The following MLF2 variants were observed in gnomAD, a reference collection of about 807,000 sequenced individuals.
The protein encoded by MLF2 is myeloid leukemia factor 2, also known as myelodysplasia-myeloid leukemia factor 2.
Under a neutral mutation model 31.4 loss-of-function variants are expected in MLF2, and 12 were observed. The observed-to-expected ratio is 0.38, with a 90% confidence interval of 0.24 to 0.62. MLF2 has a LOEUF of 0.62. Ranked by LOEUF, MLF2 falls within the 20% of genes least tolerant of loss-of-function variation. The probability of loss-of-function intolerance (pLI) is 0.58; values close to 1 mark genes in which losing one functional copy is unlikely to be tolerated. For synonymous variants in MLF2, 109 were observed against 118.8 expected (o/e 0.92, Z 0.54); for missense variants, 272 against 359.7 (o/e 0.76, Z 1.97).
Position 6,753,091 on chromosome 12 carries a change from CG to C in MLF2, c.-182del, listed in dbSNP as rs1941641609. The C allele has an allele frequency of 5.1e-6, 2 of 389,828 alleles. No individual in the cohort carries two copies. Among genetic ancestry groups the C allele is most frequent in the African/African-American group, 2.1e-5 (1 of 48,360 alleles). 24.1% of individuals were successfully genotyped at this position (389,828 alleles called of 1,614,324 possible). A position where few individuals can be genotyped will look rare whatever the true frequency, so the allele number is the denominator to read the frequency against. On this transcript the variant is annotated 5_prime_UTR_variant, in exon 1 of 9. Coordinates refer to ENST00000203630, the MANE Select transcript of MLF2 (RefSeq NM_001382226.1). ...TCCTCCCACAGCTGCCACCTCCGTA[CG>C]GCCCCCTCGGCCAACGGAGCCCGAA...
chr12:6,748,697 C>G lies in MLF2; in HGVS notation c.*25+73G>C. The G allele has an allele frequency of 1.2e-5, 14 of 1,207,190 alleles. No individual in the cohort carries two copies. Among genetic ancestry groups the G allele is most frequent in the Non-Finnish European group, 4.5e-6 (4 of 885,776 alleles). 74.8% of individuals were successfully genotyped at this position (1,207,190 alleles called of 1,614,324 possible). On this transcript the variant is annotated intron_variant, in intron 8 of 8. Transcript: ENST00000203630. The surrounding 1 kb of genome is among the most constrained non-coding windows in gnomAD (Gnocchi z 4.6). ...CTACCAAAGGCAGCTCCTGCGGGAG[C>G]CTGAACTGAGCCTGCCTTGCAGCCG...
chr12:6,750,037 G>C lies in MLF2; in HGVS notation c.400-30C>G. On this transcript the variant is annotated intron_variant, in intron 6 of 8. Transcript: ENST00000203630. This position sits in a 1 kb window ranked among gnomAD's most constrained non-coding sequence, Gnocchi z 5.3. ...GATGAGGCAGAACGTGGCACACTCA[G>C]CCGCCCCTTCCAAAGCCCTGCCTAT... 1 of 1,613,428 alleles carries C rather than the reference G, an allele frequency of 6.2e-7. No individual in the cohort carries two copies.
At position 6,750,119 on chromosome 12, in the gene MLF2, T is replaced by A. The variant is rs754822114; in HGVS notation, c.399+58A>T. 34 of 1,612,800 alleles carry A rather than the reference T, an allele frequency of 2.1e-5. No individual in the cohort carries two copies. The African/African-American group carries it at 4.1e-4, about 20-fold the overall frequency. On this transcript the variant is annotated intron_variant, in intron 6 of 8. Coordinates refer to ENST00000203630, the MANE Select transcript of MLF2 (RefSeq NM_001382226.1). This position sits in a 1 kb window ranked among gnomAD's most constrained non-coding sequence, Gnocchi z 5.3. ...CCAATCCGGAAAAAAGCAGCCAGGG[T>A]TTCTGGCGGTGCCGCTCAATCCTAC...
At position 6,751,625 on chromosome 12, in the gene MLF2, G is replaced by A. The variant is rs368174763; in HGVS notation, c.216+16C>T. ...GTGTGTCTGAGATGGAAGGACACAG[G>A]GAGATAAAGACTCACCATTCCCAGC... On this transcript the variant is annotated intron_variant, in intron 4 of 8. Transcript: ENST00000203630. 2.6e-5 allele frequency: 42 copies of A among 1,612,316 alleles called. No individual in the cohort carries two copies. In the African/African-American group the frequency reaches 4.9e-4, roughly 19 times the overall value.
Position 6,752,117 on chromosome 12 carries a change from T to C in MLF2, c.51-63A>G, listed in dbSNP as rs1941625256. The C allele has an allele frequency of 1.2e-6, 2 of 1,606,092 alleles. No homozygotes were observed. The highest frequency in any genetic ancestry group is 1.7e-6 in the Non-Finnish European group (2 of 1,174,758). ...CAAACTGTCAATCCCTCCACCACCC[T>C]GCAAAAAAATACGCACAGAGCAACA... On this transcript the variant is annotated intron_variant, in intron 2 of 8. Coordinates refer to ENST00000203630, the MANE Select transcript of MLF2 (RefSeq NM_001382226.1). This position sits in a 1 kb window ranked among gnomAD's most constrained non-coding sequence, Gnocchi z 4.6.
intron 3 of MLF2, 49 bp downstream of exon 3, chr12:6,751,876 C>T (rs1253655078): frequency 6.2e-7 from 1 of 1,608,238 alleles, no homozygotes; most frequent in Admixed American, 1.7e-5. Flanking sequence ...GCTTTCCTAA[C>T]TAACCTCCAA....
At position 6,752,266 on chromosome 12, in the gene MLF2, A is replaced by G; in HGVS notation, c.50+19T>C. The G allele has an allele frequency of 6.4e-7, 1 of 1,558,868 alleles. No homozygotes were observed. The highest frequency in any genetic ancestry group is 1.2e-5 in the South Asian group (1 of 84,722). On this transcript the variant is annotated intron_variant, in intron 2 of 8. Transcript: ENST00000203630. The surrounding 1 kb of genome is among the most constrained non-coding windows in gnomAD (Gnocchi z 4.6). ...CAGAGACCTGGAGTGGGAGAGCTTG[A>G]GGGGGAGGGAATACTCACATCAGGA... is the stretch of plus-strand genomic sequence containing the variant.
Position 6,748,844 on chromosome 12 carries a change from T to C in MLF2, c.698A>G (p.Gln233Arg). Reference protein sequence around the residue: ...RAEGPPRLAIQGPEDSPSRQS... With the variant: ...RAEGPPRLAIRGPEDSPSRQS... ...TCGGGAAGGGGAGTCCTCAGGTCCC[T>C]GGATGGCCAGGCGGGGAGGCCCCTC... Residue 233 changes from glutamine to arginine, a missense_variant, in exon 8 of 9, where the codon CAG becomes CGG. Gln to Arg is a conservative substitution (Grantham distance 43). Transcript: ENST00000203630. This position sits in a 1 kb window ranked among gnomAD's most constrained non-coding sequence, Gnocchi z 4.6. 6.3e-7 allele frequency: 1 copy of C among 1,576,502 alleles called. No homozygotes were observed. Among genetic ancestry groups the C allele is most frequent in the South Asian group, 1.2e-5 (1 of 85,904 alleles).
rs1565475252 is a variant in MLF2 at position 6,751,642 on chromosome 12, A to G, written c.215T>C (p.Met72Thr). The change falls in exon 4 of 9, where the codon ATG (methionine) becomes ACG (threonine). Residue 72 changes from methionine (M) to threonine (T), a missense_variant and splice_region_variant. Met to Thr is a moderately conservative substitution (Grantham distance 81, BLOSUM62 -1). Coordinates refer to ENST00000203630, the MANE Select transcript of MLF2 (RefSeq NM_001382226.1). ...GGACACAGGGAGATAAAGACTCACC[A>G]TTCCCAGCATCCCAAAGGGGGAGAC... is the stretch of plus-strand genomic sequence containing the variant. ...GAVSPFGMLGMSGGFMDMFGM... is the reference protein window; with the variant it reads ...GAVSPFGMLGTSGGFMDMFGM... 2.5e-6 allele frequency: 4 copies of G among 1,613,908 alleles called. No individual in the cohort carries two copies. Among genetic ancestry groups the G allele is most frequent in the Non-Finnish European group, 8.5e-7 (1 of 1,179,864 alleles).
chr12:6,751,881 C>G (rs1941620393), intron 3 of MLF2, 44 bp downstream of exon 3: 1 of 1,610,340 alleles, frequency 6.2e-7, no homozygotes, highest in Non-Finnish European at 8.5e-7. Context: ...CCTAACTAAC[C>G]TCCAACCTTT....
At chr12:6,751,798 C>T in intron 3 of MLF2, 122 bp from the exon 4 acceptor site, 1 of 1,565,702 alleles carries the variant, frequency 6.4e-7, no homozygotes. Flanking sequence ...AGCCCTTTTT[C>T]CTGACCCTTT....
chr12:6,748,733 G>T lies in MLF2; in HGVS notation c.*25+37C>A. ...CCTGCCTTGCAGCCGAGGACCGTCC[G>T]CAGGTGCACCCCACCCTCCTTACTC... On this transcript the variant is annotated intron_variant, in intron 8 of 8. Coordinates refer to ENST00000203630, the MANE Select transcript of MLF2 (RefSeq NM_001382226.1). The surrounding 1 kb of genome is among the most constrained non-coding windows in gnomAD (Gnocchi z 4.6). 1 of 1,434,840 alleles carries T rather than the reference G, an allele frequency of 7.0e-7. No homozygotes were observed. Among genetic ancestry groups the T allele is most frequent in the Non-Finnish European group, 9.2e-7 (1 of 1,087,916 alleles). The allele number at this position is 1,434,840 out of a possible 1,614,324, so 88.9% of individuals were successfully genotyped here. A position where few individuals can be genotyped will look rare whatever the true frequency, so the allele number is the denominator to read the frequency against.
chr12:6,750,548 C>T lies in MLF2; in HGVS notation c.270+165G>A. 1.1e-6 allele frequency: 1 copy of T among 927,040 alleles called. No homozygotes were observed. The highest frequency in any genetic ancestry group is 1.6e-6 in the Non-Finnish European group (1 of 609,506). The allele number at this position is 927,040 out of a possible 1,614,324, so 57.4% of individuals were successfully genotyped here. The stretch of plus-strand genomic sequence containing the variant: ...GAGAGCTGCTGCCGGCTGCTTCAGG[C>T]AGGCATGACAGCAGGTACAGGGTCC... On this transcript the variant is annotated intron_variant, in intron 5 of 8. Transcript: ENST00000203630. This position sits in a 1 kb window ranked among gnomAD's most constrained non-coding sequence, Gnocchi z 5.3.
rs1357459494 is a variant in MLF2 at position 6,749,174 on chromosome 12, GC to G, written c.560-193del. Among the ~76,000 whole-genome samples, 2 of 152,220 alleles carry G rather than the reference GC, an allele frequency of 1.3e-5. No individual in the cohort carries two copies. The highest frequency in any genetic ancestry group is 4.8e-5 in the African/African-American group (2 of 41,474). Reference sequence around the variant, plus strand: ...GGAAGCCACCGGTAGGCGTAAGGTGGCCTACTGGAGGAAGAAATCAGAATGG... The same window carrying G: ...GGAAGCCACCGGTAGGCGTAAGGTGGCTACTGGAGGAAGAAATCAGAATGG... On this transcript the variant is annotated intron_variant, in intron 7 of 8. Transcript: ENST00000203630. This position sits in a 1 kb window ranked among gnomAD's most constrained non-coding sequence, Gnocchi z 5.3.
At position 6,750,564 on chromosome 12, in the gene MLF2, T is replaced by A. The variant is rs1190613771; in HGVS notation, c.270+149A>T. On this transcript the variant is annotated intron_variant, in intron 5 of 8. Coordinates refer to ENST00000203630, the MANE Select transcript of MLF2 (RefSeq NM_001382226.1). The surrounding 1 kb of genome is among the most constrained non-coding windows in gnomAD (Gnocchi z 5.3). ...TGCTTCAGGCAGGCATGACAGCAGG[T>A]ACAGGGTCCCAAGGCTCTCTGGTTC... is the stretch of plus-strand genomic sequence containing the variant. 9.9e-6 allele frequency: 10 copies of A among 1,010,908 alleles called. No individual in the cohort carries two copies. The Admixed American group carries it at 2.2e-4, about 23-fold the overall frequency. The allele number at this position is 1,010,908 out of a possible 1,614,324, so 62.6% of individuals were successfully genotyped here.
chr12:6,752,992 G>A lies in MLF2; in HGVS notation c.-82C>T, dbSNP rs1227799623. The A allele has an allele frequency of 6.5e-6, 2 of 310,068 alleles. No homozygotes were observed. Among genetic ancestry groups the A allele is most frequent in the African/African-American group, 4.3e-5 (2 of 46,432 alleles). 19.2% of individuals were successfully genotyped at this position (310,068 alleles called of 1,614,324 possible). A position where few individuals can be genotyped will look rare whatever the true frequency, so the allele number is the denominator to read the frequency against. ...TCCGGCCGGTTTCGCTTCCCGGTAC[G>A]CTGCAGGGTCAGGGTCGCGGCCCGG... On this transcript the variant is annotated 5_prime_UTR_variant, in exon 1 of 9. Transcript: ENST00000203630. The surrounding 1 kb of genome is among the most constrained non-coding windows in gnomAD (Gnocchi z 4.6).
intron 4 of MLF2, chr12:6,751,037 G>A (rs1209753723): frequency 2.2e-6 from 1 of 447,628 alleles, no homozygotes; most frequent in East Asian, 4.6e-5. Context: ...TAGGAAGCAA[G>A]CCAAAGTAAT....
rs1481425607 is a variant in MLF2, at chr12:6,752,342, T to G, written c.-8A>C. On this transcript the variant is annotated 5_prime_UTR_variant, in exon 2 of 9. Transcript: ENST00000203630. This position sits in a 1 kb window ranked among gnomAD's most constrained non-coding sequence, Gnocchi z 4.6. ...CCTCATGAAGCGGAACATCCTGATC[T>G]CAGCTCCAGGGGGCTCCACACTGGA... 1.3e-6 allele frequency: 2 copies of G among 1,558,198 alleles called. No individual in the cohort carries two copies. The highest frequency in any genetic ancestry group is 8.7e-7 in the Non-Finnish European group (1 of 1,150,396).
Position 6,752,999 on chromosome 12 carries a change from G to C in MLF2, c.-89C>G, listed in dbSNP as rs938728817. ...GGTTTCGCTTCCCGGTACGCTGCAGGGTCAGGGTCGCGGCCCGGAACGTGG... is the reference window on the plus strand; with the variant it reads ...GGTTTCGCTTCCCGGTACGCTGCAGCGTCAGGGTCGCGGCCCGGAACGTGG... On this transcript the variant is annotated 5_prime_UTR_variant, in exon 1 of 9. Transcript: ENST00000203630. The surrounding 1 kb of genome is among the most constrained non-coding windows in gnomAD (Gnocchi z 4.6). The C allele has an allele frequency of 3.1e-6, 1 of 324,834 alleles. No individual in the cohort carries two copies. Among genetic ancestry groups the C allele is most frequent in the East Asian group, 4.7e-5 (1 of 21,374 alleles). 20.1% of individuals were successfully genotyped at this position (324,834 alleles called of 1,614,324 possible).
Sources: allele counts gnomAD v4.1 joint callset (sites outside exome capture counted in the v4.1 genomes callset), GRCh38; gene constraint gnomAD v4.1.1; non-coding constraint Gnocchi (gnomAD v3.1); transcripts MANE v1.5; gene names NCBI Gene and HGNC (gene_info 2026-07-23, HGNC 2026-07-21).